The following GAS2 variants were observed in gnomAD, a reference collection of about 807,000 sequenced individuals.
GAS2 encodes the protein growth arrest-specific protein 2.
In GAS2, 20 loss-of-function variants were observed where a neutral mutation model predicts 37.5. The observed-to-expected ratio is 0.53, with a 90% confidence interval of 0.37 to 0.77. The LOEUF is 0.77. Ranked by LOEUF, GAS2 falls within the 30% of genes least tolerant of loss-of-function variation. The pLI, the probability that GAS2 is intolerant of heterozygous loss-of-function variation, is 0.00. For missense variants in GAS2, 336 were observed against 373.4 expected (o/e 0.90, Z 0.82); for synonymous variants, 144 against 132.2 (o/e 1.09, Z -0.61).
intron 1 of GAS2, among the ~76,000 whole-genome samples, chr11:22,633,791 T>C (rs2133807837): frequency 6.6e-6 from 1 of 152,296 alleles, no homozygotes; most frequent in South Asian, 2.1e-4. Flanking sequence ...GCTATTCAGA[T>C]GAGACAGGCA....
intron 7 of GAS2, among the ~76,000 whole-genome samples, chr11:22,777,612 A>C (rs886228898): frequency 3.9e-5 from 6 of 152,198 alleles, no homozygotes; most frequent in African/African-American, 7.2e-5. Context: ...ACCATTTTAA[A>C]GGGTAAGCAT....
At chr11:22,687,981 C>T (rs1454006309) in intron 3 of GAS2, among the ~76,000 whole-genome samples, 1 of 152,132 alleles carries the variant, frequency 6.6e-6, no homozygotes, top group African/African-American at 2.4e-5. Context: ...GGCTGTTGTG[C>T]AGTTCTGGTT....
At chr11:22,680,215 G>C (rs939467804) in intron 2 of GAS2, among the ~76,000 whole-genome samples, 2 of 151,964 alleles carry the variant, frequency 1.3e-5, no homozygotes, top group Non-Finnish European at 2.9e-5. Context: ...GGTATCTTCC[G>C]TTAGTTCAAA....
intron 3 of GAS2, among the ~76,000 whole-genome samples, chr11:22,694,810 C>A (rs927100178): frequency 2.6e-5 from 4 of 152,064 alleles, no homozygotes; most frequent in African/African-American, 9.7e-5. Flanking sequence ...CAGACTAATA[C>A]CCTCAAAATC....
intron 5 of GAS2, among the ~76,000 whole-genome samples, chr11:22,744,051 A>G (rs1015011594): frequency 6.6e-6 from 1 of 152,146 alleles, no homozygotes; most frequent in African/African-American, 2.4e-5. Context: ...GGAATGGATA[A>G]AATCCTGGAA....
upstream of GAS2, among the ~76,000 whole-genome samples, chr11:22,662,504 ATG>A (rs1256347372): frequency 6.6e-6 from 1 of 152,192 alleles, no homozygotes; most frequent in African/African-American, 2.4e-5. Context: ...CATGCCAGAG[ATG>A]TAGTGGTGGA....
intron 3 of GAS2, among the ~76,000 whole-genome samples, chr11:22,713,027 A>C (rs1258047492): frequency 1.3e-5 from 2 of 150,124 alleles, no homozygotes; most frequent in Non-Finnish European, 3.0e-5. Flanking sequence ...AGATTGTGCC[A>C]CTGCATGCCA....
At chr11:22,748,566 A>G (rs1853541784) in intron 5 of GAS2, among the ~76,000 whole-genome samples, 1 of 152,068 alleles carries the variant, frequency 6.6e-6, no homozygotes, top group African/African-American at 2.4e-5. Flanking sequence ...TGCTTTCATT[A>G]TGCTATTCCT....
In GAS2 at chr11:22,811,826, G is replaced by A. The variant is rs778386342; in HGVS notation, c.752G>A (p.Arg251His). Residue 251 changes from arginine (R) to histidine (H), a missense_variant, in exon 8 of 8, where the codon CGT (arginine) becomes CAT (histidine). Coordinates refer to ENST00000454584, the MANE Select transcript of GAS2 (RefSeq NM_001143830.3). ...RMLHNKHVMV[R>H]VGGGWETFAG... ...CTGCACAACAAACATGTCATGGTCCGTGTGGGAGGAGGCTGGGAAACTTTT... is the reference window on the plus strand; with the variant it reads ...CTGCACAACAAACATGTCATGGTCCATGTGGGAGGAGGCTGGGAAACTTTT... 1.4e-5 allele frequency: 23 copies of A among 1,614,026 alleles called. No homozygotes were observed. Among genetic ancestry groups the A allele is most frequent in the Admixed American group, 3.3e-5 (2 of 60,000 alleles).
intron 7 of GAS2, among the ~76,000 whole-genome samples, chr11:22,769,257 A>C (rs1484833811): frequency 6.6e-6 from 1 of 152,210 alleles, no homozygotes; most frequent in Non-Finnish European, 1.5e-5. Context: ...TTCCTCTAAC[A>C]ACCTATAGCC....
intron 7 of GAS2, among the ~76,000 whole-genome samples, chr11:22,766,421 T>C (rs1008340120): frequency 6.6e-6 from 1 of 152,234 alleles, no homozygotes; most frequent in Admixed American, 6.5e-5. Flanking sequence ...TTTAATTATA[T>C]GCTATTCATT....
At chr11:22,718,147 T>C (rs1047193337) in intron 3 of GAS2, among the ~76,000 whole-genome samples, 1 of 152,006 alleles carries the variant, frequency 6.6e-6, no homozygotes, top group African/African-American at 2.4e-5. Flanking sequence ...AATAAGTCAT[T>C]ATATGAAAGA....
chr11:22,801,809 G>A (rs759455998), intron 7 of GAS2, among the ~76,000 whole-genome samples: 4 of 152,002 alleles, frequency 2.6e-5, no homozygotes, highest in Non-Finnish European at 4.4e-5. Flanking sequence ...GGGCATATTC[G>A]TAGATTACTT....
chr11:22,709,760 C>T (rs1455297107), intron 3 of GAS2, among the ~76,000 whole-genome samples: 2 of 152,094 alleles, frequency 1.3e-5, no homozygotes, highest in Non-Finnish European at 2.9e-5. Context: ...TGGAACCAAT[C>T]CAAATGTCCA....
intron 3 of GAS2, among the ~76,000 whole-genome samples, chr11:22,692,940 G>A (rs1320502572): frequency 6.6e-6 from 1 of 152,104 alleles, no homozygotes; most frequent in African/African-American, 2.4e-5. Flanking sequence ...AAAGGGCAAT[G>A]TTCCTACCTG....
chr11:22,692,265 C>A (rs1590645695), intron 3 of GAS2, among the ~76,000 whole-genome samples: 2 of 152,102 alleles, frequency 1.3e-5, no homozygotes, highest in South Asian at 2.1e-4. Flanking sequence ...GAGCCCATCC[C>A]ATACATGGCA....
Position 22,740,106 on chromosome 11 carries a change from C to T in GAS2, c.473+2338C>T, listed in dbSNP as rs923999494. The stretch of plus-strand genomic sequence containing the variant: ...TTAAGAATCACCTTTCCTCCAGCTC[C>T]GAGTCTGGCATAAATTGCCCCTTGT... On this transcript the variant is annotated intron_variant, in intron 5 of 7. Transcript: ENST00000454584. Among the ~76,000 whole-genome samples, 11 of 152,200 alleles carry T rather than the reference C, an allele frequency of 7.2e-5. No individual in the cohort carries two copies. In the East Asian group the frequency reaches 1.3e-3, roughly 19 times the overall value.
intron 7 of GAS2, among the ~76,000 whole-genome samples, chr11:22,807,207 G>A (rs1488169313): frequency 6.6e-6 from 1 of 152,096 alleles, no homozygotes; most frequent in Non-Finnish European, 1.5e-5. Flanking sequence ...GCACTGACTA[G>A]GTCCATAGAG....
chr11:22,798,513 T>G (rs531072884), intron 7 of GAS2, among the ~76,000 whole-genome samples: 1 of 152,108 alleles, frequency 6.6e-6, no homozygotes, highest in East Asian at 1.9e-4. Context: ...TGAAGTTTTA[T>G]CTAAGAAAAG....
Sources: gnomAD v4.1 joint callset for allele counts (sites outside exome capture counted in the v4.1 genomes callset) on GRCh38, gnomAD v4.1.1 for gene constraint, MANE v1.5 for transcripts, NCBI Gene and HGNC (gene_info 2026-07-23, HGNC 2026-07-21) for gene names.